SLC25A40: variants seen among roughly 807,000 people sequenced by gnomAD.
SLC25A40 encodes mitochondrial glutathione transporter SLC25A40.
A neutral mutation model predicts 46.5 loss-of-function variants in SLC25A40; 41 were observed. The ratio of observed to expected loss-of-function variants is 0.88; its 90% CI spans 0.69 to 1.14. The LOEUF is 1.14. Among genes scored for constraint, SLC25A40 ranks in the 50% most tolerant of loss-of-function variants. SLC25A40 has a pLI of 0.00. For synonymous variants in SLC25A40, 126 were observed against 127.5 expected, an observed-to-expected ratio of 0.99 and a Z score of 0.08; for missense variants, 386 against 393.6, an observed-to-expected ratio of 0.98 and a Z score of 0.16.
intron 1 of SLC25A40, among the ~76,000 whole-genome samples, chr7:87,869,266 C>T (rs1242182967): frequency 6.6e-5 from 10 of 152,090 alleles, no homozygotes; most frequent in Non-Finnish European, 1.5e-4. Context: ...TGGCTCATGC[C>T]TGTATTCCTA....
intron 1 of SLC25A40, among the ~76,000 whole-genome samples, chr7:87,864,324 TTAAA>T (rs1303877612): frequency 1.3e-5 from 2 of 152,248 alleles, no homozygotes; most frequent in African/African-American, 4.8e-5. Flanking sequence ...ATCCAGCACC[TTAAA>T]TATTTATGTT....
At chr7:87,863,333 T>C (rs1205776846) in intron 1 of SLC25A40, among the ~76,000 whole-genome samples, 1 of 152,134 alleles carries the variant, frequency 6.6e-6, no homozygotes, top group African/African-American at 2.4e-5. Flanking sequence ...CATGATGTTC[T>C]TGTGATAGTG....
At chr7:87,838,539 G>A (rs1838288281) in intron 10 of SLC25A40, among the ~76,000 whole-genome samples, 1 of 151,296 alleles carries the variant, frequency 6.6e-6, no homozygotes, top group Non-Finnish European at 1.5e-5. Context: ...GAAAATAAAT[G>A]CTCATTTACT....
chr7:87,849,863 C>A lies in SLC25A40; in HGVS notation c.332+18G>T, dbSNP rs1216651528. The A allele has an allele frequency of 3.3e-6, 5 of 1,522,858 alleles. No individual in the cohort carries two copies. In the South Asian group the frequency reaches 6.1e-5, roughly 19 times the overall value. The allele number at this position is 1,522,858 out of a possible 1,614,324, so 94.3% of individuals were successfully genotyped here. ...AACAATCATTATTTAGTAGAAAAAA[C>A]ATTAAATTTCAACTTACAGGGTAGG... On this transcript the variant is annotated intron_variant, in intron 6 of 11. Coordinates refer to ENST00000341119, the MANE Select transcript of SLC25A40 (RefSeq NM_018843.4).
intron 10 of SLC25A40, among the ~76,000 whole-genome samples, chr7:87,837,649 T>C (rs1838275374): frequency 2.0e-5 from 3 of 151,268 alleles, no homozygotes; most frequent in African/African-American, 7.3e-5. Context: ...AAAATTTGTT[T>C]ATTTTCGTTT....
intron 1 of SLC25A40, among the ~76,000 whole-genome samples, chr7:87,875,142 A>G (rs921759118): frequency 2.0e-5 from 3 of 152,262 alleles, no homozygotes; most frequent in African/African-American, 7.2e-5. Context: ...ATTGACATCA[A>G]TAGACCTTGA....
chr7:87,865,394 C>A (rs2131019223), intron 1 of SLC25A40, among the ~76,000 whole-genome samples: 1 of 152,320 alleles, frequency 6.6e-6, no homozygotes, highest in Admixed American at 6.5e-5. Flanking sequence ...GCCGCAGTAG[C>A]TATCACAGTT....
At chr7:87,871,052 C>T (rs540884254) in intron 1 of SLC25A40, among the ~76,000 whole-genome samples, 4 of 152,252 alleles carry the variant, frequency 2.6e-5, no homozygotes, top group East Asian at 1.9e-4. Context: ...GCCACAGGGC[C>T]GGTACAGTTT....
intron 10 of SLC25A40, among the ~76,000 whole-genome samples, chr7:87,839,063 T>C (rs1838294469): frequency 6.6e-6 from 1 of 151,474 alleles, no homozygotes; most frequent in Non-Finnish European, 1.5e-5. Context: ...AACTGATAAC[T>C]CAGAATGGAC....
chr7:87,840,861 C>T (rs1838321130), intron 10 of SLC25A40, among the ~76,000 whole-genome samples: 1 of 151,674 alleles, frequency 6.6e-6, no homozygotes, highest in African/African-American at 2.4e-5. Context: ...TAACATTATA[C>T]CTATTTTACT....
chr7:87,844,882 A>G (rs1427106540), intron 8 of SLC25A40, among the ~76,000 whole-genome samples: 1 of 152,192 alleles, frequency 6.6e-6, no homozygotes. Context: ...AATCTCTCCT[A>G]AAACAACTTC....
intron 1 of SLC25A40, among the ~76,000 whole-genome samples, chr7:87,871,845 C>A (rs1334483752): frequency 6.6e-6 from 1 of 152,150 alleles, no homozygotes; most frequent in Non-Finnish European, 1.5e-5. Context: ...CTGGAGTTTT[C>A]TTTAGTAGAT....
At chr7:87,872,134 A>G (rs1345740295) in intron 1 of SLC25A40, among the ~76,000 whole-genome samples, 1 of 152,232 alleles carries the variant, frequency 6.6e-6, no homozygotes, top group Non-Finnish European at 1.5e-5. Flanking sequence ...ATTCACAGGA[A>G]TCATAACCTC....
At chr7:87,863,021 C>A (rs1257384362) in intron 1 of SLC25A40, among the ~76,000 whole-genome samples, 1 of 152,168 alleles carries the variant, frequency 6.6e-6, no homozygotes, top group East Asian at 1.9e-4. Context: ...CAAACTGTAT[C>A]ACCTTCCCCT....
intron 8 of SLC25A40, 51 bp from the exon 9 acceptor site, chr7:87,843,914 C>CT (rs776011786): frequency 6.8e-7 from 1 of 1,477,708 alleles, no homozygotes; most frequent in Admixed American, 2.1e-5. Context: ...AAAATGTGGA[C>CT]TTTAATAAAA....
intron 5 of SLC25A40, among the ~76,000 whole-genome samples, chr7:87,851,337 T>C (rs1340864270): frequency 3.9e-5 from 6 of 152,290 alleles, no homozygotes; most frequent in Non-Finnish European, 7.4e-5. Context: ...GACTGCATAT[T>C]TTCCCAGCTA....
At chr7:87,863,280 G>A (rs1838736038) in intron 1 of SLC25A40, among the ~76,000 whole-genome samples, 1 of 152,122 alleles carries the variant, frequency 6.6e-6, no homozygotes, top group Non-Finnish European at 1.5e-5. Flanking sequence ...TGTCATGAGA[G>A]GGACCCAGTG....
At chr7:87,839,719 C>T (rs1470358413) in intron 10 of SLC25A40, among the ~76,000 whole-genome samples, 1 of 151,688 alleles carries the variant, frequency 6.6e-6, no homozygotes, top group Non-Finnish European at 1.5e-5. Context: ...GTAATTGTCT[C>T]ATTTATCTGT....
intron 5 of SLC25A40, among the ~76,000 whole-genome samples, chr7:87,853,588 T>C (rs1177678948): frequency 6.6e-6 from 1 of 152,186 alleles, no homozygotes; most frequent in Non-Finnish European, 1.5e-5. Context: ...AAATAATCTA[T>C]ATCATGAGCA....
Sources: gnomAD v4.1 joint callset for allele counts (sites outside exome capture counted in the v4.1 genomes callset) on GRCh38, gnomAD v4.1.1 for gene constraint, MANE v1.5 for transcripts, NCBI Gene and HGNC (gene_info 2026-07-23, HGNC 2026-07-21) for gene names.